Variants in PKHD1L1 observed in about 807,000 individuals in gnomAD.
PKHD1L1 encodes PKHD1 like 1, also known as fibrocystin-L.
A neutral mutation model predicts 462.9 loss-of-function variants in PKHD1L1; 434 were observed. The observed-to-expected ratio is 0.94, with a 90% CI of 0.87 to 1.02. PKHD1L1 has a LOEUF of 1.02. Ranked by LOEUF, PKHD1L1 falls within the 50% of genes least tolerant of loss-of-function variation. PKHD1L1 has a pLI of 0.00. For missense variants in PKHD1L1, 5,202 were observed against 5,096.1 expected (o/e 1.02, Z -0.63); for synonymous variants, 1,781 against 1,750.0 (o/e 1.02, Z -0.44).
chr8:109,420,662 T>C lies in PKHD1L1; in HGVS notation c.2669T>C (p.Ile890Thr), dbSNP rs1814414730. The change falls in exon 23 of 78, where the codon ATA (isoleucine) becomes ACA (threonine). Residue 890 changes from isoleucine (I) to threonine (T), a missense_variant. Transcript: ENST00000378402. ...ACTTCATACAATTGCAGTTACAATATACCCATGATGGCTGTGAGCTTTGGG... is the reference window on the plus strand; with the variant it reads ...ACTTCATACAATTGCAGTTACAATACACCCATGATGGCTGTGAGCTTTGGG... ...TMTSYNCSYN[I>T]PMMAVSFGQI... 6 of 1,599,036 alleles carry C rather than the reference T, an allele frequency of 3.8e-6. No individual in the cohort carries two copies. The highest frequency in any genetic ancestry group is 5.1e-6 in the Non-Finnish European group (6 of 1,174,094).
intron 16 of PKHD1L1, among the ~76,000 whole-genome samples, chr8:109,405,941 T>G (rs146676923): frequency 6.6e-6 from 1 of 152,290 alleles, no homozygotes; most frequent in African/African-American, 2.4e-5. Context: ...ATGATAGGCC[T>G]ATGGAACACC....
At chr8:109,438,250 T>A (rs1815550288) in intron 30 of PKHD1L1, 74 bp from the exon 31 acceptor site, 1 of 1,090,158 alleles carries the variant, frequency 9.2e-7, no homozygotes, top group African/African-American at 1.6e-5. Flanking sequence ...TTCTGAATAA[T>A]CTATTTCTTT....
At position 109,464,370 on chromosome 8, in the gene PKHD1L1, T is replaced by A. The variant is rs772289709; in HGVS notation, c.7538T>A (p.Val2513Asp). Reference protein sequence around the residue: ...VTIHNTHHLLVERNIIYDIKG... With the variant: ...VTIHNTHHLLDERNIIYDIKG... ...ATTCATAACACACACCATCTTCTGG[T>A]TGAGAGGAATATTATATATGATATT... is the stretch of plus-strand genomic sequence containing the variant. The change falls in exon 49 of 78, where the codon GTT (valine) becomes GAT (aspartate). Residue 2513 changes from valine (V) to aspartate (D), a missense_variant. Coordinates refer to ENST00000378402, the MANE Select transcript of PKHD1L1 (RefSeq NM_177531.6). The A allele has an allele frequency of 6.2e-7, 1 of 1,613,226 alleles. No homozygotes were observed. Among genetic ancestry groups the A allele is most frequent in the East Asian group, 2.2e-5 (1 of 44,842 alleles).
chr8:109,406,085 T>G (rs568554369), intron 16 of PKHD1L1, among the ~76,000 whole-genome samples: 24 of 152,184 alleles, frequency 1.6e-4, no homozygotes, highest in Non-Finnish European at 3.4e-4. Flanking sequence ...AATCCAATGA[T>G]TATTACTGTG....
chr8:109,429,492 A>T, intron 26 of PKHD1L1, 30 bp downstream of exon 26: 1 of 1,582,774 alleles, frequency 6.3e-7, no homozygotes, highest in Non-Finnish European at 8.6e-7. Flanking sequence ...CATGATGCTT[A>T]ATGTAATTTT....
At chr8:109,475,713 G>C (rs1483740287) in intron 51 of PKHD1L1, among the ~76,000 whole-genome samples, 1 of 151,436 alleles carries the variant, frequency 6.6e-6, no homozygotes, top group African/African-American at 2.4e-5. Flanking sequence ...CGGGTGTGGT[G>C]GTGGGCATCT....
intron 57 of PKHD1L1, among the ~76,000 whole-genome samples, chr8:109,483,909 A>G (rs1377526583): frequency 6.6e-6 from 1 of 151,846 alleles, no homozygotes; most frequent in Non-Finnish European, 1.5e-5. Context: ...TACTGTGCTC[A>G]TAAACTATGC....
At chr8:109,487,173 G>T (rs958314426) in intron 59 of PKHD1L1, among the ~76,000 whole-genome samples, 22 of 151,946 alleles carry the variant, frequency 1.4e-4, no homozygotes, top group African/African-American at 4.8e-4. Flanking sequence ...AGAGAAAACA[G>T]TATAATGAAT....
intron 37 of PKHD1L1, 61 bp downstream of exon 37, chr8:109,443,963 C>A: frequency 7.3e-7 from 1 of 1,369,752 alleles, no homozygotes; most frequent in Non-Finnish European, 1.0e-6. Context: ...AGTATTTTGA[C>A]GATAACCTTG....
intron 19 of PKHD1L1, among the ~76,000 whole-genome samples, chr8:109,410,726 C>CTTTTTT (rs71303459): frequency 0.017 from 1,188 of 68,336 alleles, 31 homozygotes; most frequent in East Asian, 0.025. Flanking sequence ...TTTTCTTTTT[C>CTTTTTT]TTTTTTTTTT....
intron 67 of PKHD1L1, among the ~76,000 whole-genome samples, chr8:109,503,553 T>C (rs1819542934): frequency 6.6e-6 from 1 of 152,240 alleles, no homozygotes; most frequent in African/African-American, 2.4e-5. Flanking sequence ...TTAAGAATTT[T>C]AGAGGTCACC....
intron 46 of PKHD1L1, 132 bp downstream of exon 46, chr8:109,456,523 C>A: frequency 1.2e-6 from 1 of 849,824 alleles, no homozygotes; most frequent in Non-Finnish European, 1.7e-6. Flanking sequence ...ATATGAACAG[C>A]CAAATACAGA....
intron 28 of PKHD1L1, 98 bp from the exon 29 acceptor site, chr8:109,435,091 CT>C: frequency 7.9e-7 from 1 of 1,269,308 alleles, no homozygotes; most frequent in Non-Finnish European, 1.1e-6. Flanking sequence ...TTCGTGAGAT[CT>C]AAAAATGAAG....
At position 109,450,971 on chromosome 8, in the gene PKHD1L1, A is replaced by G. The variant is rs201526165; in HGVS notation, c.6176-4A>G. 134 of 1,589,154 alleles carry G rather than the reference A, an allele frequency of 8.4e-5. No homozygotes were observed. The highest frequency in any genetic ancestry group is 1.0e-4 in the Non-Finnish European group (118 of 1,161,910). ...CTGCATTCAGTCTGATCTTCCTTTC[A>G]TAGGCACGGGAGCTGAGCAAGCCTG... is the stretch of plus-strand genomic sequence containing the variant. On this transcript the variant is annotated splice_region_variant and splice_polypyrimidine_tract_variant and intron_variant, in intron 40 of 77. Transcript: ENST00000378402.
rs1311081513 is a variant in PKHD1L1, at chr8:109,535,472, A to T, written c.*5382A>T. On this transcript the variant is annotated 3_prime_UTR_variant, in exon 78 of 78. Coordinates refer to ENST00000378402, the MANE Select transcript of PKHD1L1 (RefSeq NM_177531.6). ...AATAAGAACTACGTACAAAATATAG[A>T]TTTAAATTAATTTTCACTGTATGAA... Among the ~76,000 whole-genome samples the T allele has an allele frequency of 2.6e-5, 4 of 152,236 alleles. No homozygotes were observed. Among genetic ancestry groups the T allele is most frequent in the Non-Finnish European group, 4.4e-5 (3 of 68,036 alleles).
At chr8:109,370,180 G>A (rs553540192) in intron 2 of PKHD1L1, among the ~76,000 whole-genome samples, 7 of 152,028 alleles carry the variant, frequency 4.6e-5, no homozygotes, top group Non-Finnish European at 1.0e-4. Flanking sequence ...GTGCAATGGC[G>A]TGATCTTGGC....
At chr8:109,371,081 T>A (rs892327188) in intron 2 of PKHD1L1, among the ~76,000 whole-genome samples, 1 of 152,226 alleles carries the variant, frequency 6.6e-6, no homozygotes, top group Non-Finnish European at 1.5e-5. Flanking sequence ...ATCGCCACAC[T>A]GACTTCCGCA....
intron 67 of PKHD1L1, among the ~76,000 whole-genome samples, chr8:109,500,556 C>A (rs1388633644): frequency 6.7e-6 from 1 of 148,686 alleles, no homozygotes; most frequent in Non-Finnish European, 1.5e-5. Context: ...TGGGCATAAT[C>A]CCAGCTACTT....
At chr8:109,454,953 G>A in intron 45 of PKHD1L1, 101 bp downstream of exon 45, 3 of 1,394,188 alleles carry the variant, frequency 2.2e-6, no homozygotes, top group Non-Finnish European at 2.9e-6. Flanking sequence ...GTGATAAAGT[G>A]AAAGTGTGTT....
Sources: allele counts gnomAD v4.1 joint callset (sites outside exome capture counted in the v4.1 genomes callset), GRCh38; gene constraint gnomAD v4.1.1; transcripts MANE v1.5; gene names NCBI Gene and HGNC (gene_info 2026-07-23, HGNC 2026-07-21).